Variants in HECW1 observed in about 807,000 individuals in gnomAD.
HECW1 encodes the protein HECT, C2 and WW domain containing E3 ubiquitin protein ligase 1.
A neutral mutation model predicts 182.3 loss-of-function variants in HECW1; 61 were observed. The observed-to-expected ratio is 0.33, with a 90% CI of 0.27 to 0.41. HECW1 has a LOEUF of 0.41. Ranked by LOEUF, HECW1 falls within the 10% of genes least tolerant of loss-of-function variation. The pLI is 1.00. For synonymous variants in HECW1, 859 were observed against 832.6 expected, an observed-to-expected ratio of 1.03 and a Z score of -0.55; for missense variants, 1,739 against 2,108.9, an observed-to-expected ratio of 0.82 and a Z score of 3.44.
intron 2 of HECW1, among the ~76,000 whole-genome samples, chr7:43,135,553 G>A (rs1330547068): frequency 6.6e-6 from 1 of 152,110 alleles, no homozygotes; most frequent in Non-Finnish European, 1.5e-5. Flanking sequence ...TCTTGACTAA[G>A]GAAATGCTCA....
intron 3 of HECW1, among the ~76,000 whole-genome samples, chr7:43,302,941 A>ACACACACTTGCGCGCG (rs1807030521): frequency 8.1e-6 from 1 of 123,328 alleles, no homozygotes; most frequent in South Asian, 2.8e-4. Flanking sequence ...ACACACGTGC[A>ACACACACTTGCGCGCG]CACACACATG....
At chr7:43,254,369 A>G (rs1220213826) in intron 3 of HECW1, among the ~76,000 whole-genome samples, 2 of 152,188 alleles carry the variant, frequency 1.3e-5, no homozygotes, top group Non-Finnish European at 2.9e-5. Context: ...CAGTAACTCT[A>G]TATTGTAGCA....
intron 2 of HECW1, among the ~76,000 whole-genome samples, chr7:43,229,583 T>G (rs1178244862): frequency 1.3e-5 from 2 of 151,972 alleles, no homozygotes; most frequent in African/African-American, 4.8e-5. Flanking sequence ...GTGACACAAG[T>G]TTGCCTGTAC....
chr7:43,444,906 G>T lies in HECW1; in HGVS notation c.1734G>T (p.Ala578=), dbSNP rs1562985199. 1 of 1,601,918 alleles carries T rather than the reference G, an allele frequency of 6.2e-7. No homozygotes were observed. The highest frequency in any genetic ancestry group is 1.7e-5 in the Admixed American group (1 of 59,374). The change falls in exon 11 of 30, where the codon GCG becomes GCT. Residue 578 remains alanine (A), a synonymous_variant. Coordinates refer to ENST00000395891, the MANE Select transcript of HECW1 (RefSeq NM_015052.5). This position sits in a 1 kb window ranked among gnomAD's most constrained non-coding sequence, Gnocchi z 4.3. The part of the protein sequence containing the change: ...HSMPSAQGGS[A]AEEEDGAEEE... ...TGCCCTCCGCCCAGGGCGGCAGCGC[G>T]GCAGAGGAGGAGGACGGCGCGGAGG...
intron 6 of HECW1, among the ~76,000 whole-genome samples, chr7:43,375,911 A>G (rs183272509): frequency 6.6e-6 from 1 of 150,440 alleles, no homozygotes; most frequent in Admixed American, 6.6e-5. Context: ...AAAAAAAGGA[A>G]AAAAAGCTCT....
At chr7:43,313,185 T>A (rs1212775059) in intron 4 of HECW1, among the ~76,000 whole-genome samples, 1 of 152,196 alleles carries the variant, frequency 6.6e-6, no homozygotes, top group Non-Finnish European at 1.5e-5. Context: ...TGGAGGTACA[T>A]AAATTGTTGA....
At chr7:43,382,956 AGT>A (rs2074616476) in intron 6 of HECW1, among the ~76,000 whole-genome samples, 1 of 151,914 alleles carries the variant, frequency 6.6e-6, no homozygotes, top group African/African-American at 2.4e-5. Flanking sequence ...AACAGGCCCC[AGT>A]GTGTGATGTT....
At position 43,221,028 on chromosome 7, in the gene HECW1, C is replaced by T. The variant is rs375601552; in HGVS notation, c.-31-22847C>T. Among the ~76,000 whole-genome samples the T allele has an allele frequency of 2.0e-3, 307 of 152,344 alleles. 2 individuals are homozygous for T. The highest frequency in any genetic ancestry group is 0.011 in the South Asian group (53 of 4,824). ...TTTGGGCTCAGCATTTAGTGCCTAC[C>T]TCTGCAAGACACTGTGGGCTTGATG... On this transcript the variant is annotated intron_variant, in intron 2 of 29. Transcript: ENST00000395891.
At chr7:43,507,040 A>G in intron 21 of HECW1, 97 bp from the exon 22 acceptor site, 1 of 1,443,792 alleles carries the variant, frequency 6.9e-7, no homozygotes, top group Non-Finnish European at 9.2e-7. Flanking sequence ...ACTGCACTCC[A>G]GCCTGGGCAA....
At chr7:43,152,036 A>T (rs1789387665) in intron 2 of HECW1, among the ~76,000 whole-genome samples, 1 of 152,242 alleles carries the variant, frequency 6.6e-6, no homozygotes, top group African/African-American at 2.4e-5. Context: ...GTCATCAAAC[A>T]GCTCATTTAC....
chr7:43,191,630 C>T (rs1338356231), intron 2 of HECW1, among the ~76,000 whole-genome samples: 1 of 152,170 alleles, frequency 6.6e-6, no homozygotes, highest in Non-Finnish European at 1.5e-5. Flanking sequence ...ATCAATTCTG[C>T]CCATGTCTTG....
intron 6 of HECW1, among the ~76,000 whole-genome samples, chr7:43,361,532 A>G (rs1185825720): frequency 6.6e-6 from 1 of 152,138 alleles, no homozygotes; most frequent in Non-Finnish European, 1.5e-5. Context: ...ATCTCAGGTC[A>G]CAGAACTCGT....
In HECW1 at chr7:43,469,046, G is replaced by A. The variant is rs769168702; in HGVS notation, c.3040G>A (p.Ala1014Thr). 9 of 1,614,050 alleles carry A rather than the reference G, an allele frequency of 5.6e-6. No individual in the cohort carries two copies. Among genetic ancestry groups the A allele is most frequent in the Admixed American group, 1.7e-5 (1 of 60,002 alleles). Reference protein sequence around the residue: ...RDLVNFINMFADTRLELPRGW... With the variant: ...RDLVNFINMFTDTRLELPRGW... ...CTTGGTGAATTTCATCAACATGTTC[G>A]CAGACACTCGGCTGGAACTGCCCCG... The change falls in exon 16 of 30, where the codon GCA becomes ACA. Residue 1014 changes from alanine to threonine, a missense_variant. Around this residue, in one of 5 missense-constraint regions of HECW1, gnomAD observed 971 missense variants for 1,029.1 expected, o/e 0.94. Transcript: ENST00000395891.
intron 19 of HECW1, among the ~76,000 whole-genome samples, chr7:43,497,649 G>A (rs1187535926): frequency 2.0e-5 from 3 of 152,172 alleles, no homozygotes; most frequent in Non-Finnish European, 4.4e-5. Flanking sequence ...GATGATGGTC[G>A]TGTGGATAAT....
At chr7:43,453,414 T>C (rs942651461) in intron 12 of HECW1, among the ~76,000 whole-genome samples, 13 of 152,200 alleles carry the variant, frequency 8.5e-5, no homozygotes, top group African/African-American at 3.1e-4. Flanking sequence ...GGAGTTGTCT[T>C]CAACTGAGTT....
In HECW1 at chr7:43,219,345, C is replaced by G. The variant is rs549836746; in HGVS notation, c.-31-24530C>G. On this transcript the variant is annotated intron_variant, in intron 2 of 29. Transcript: ENST00000395891. Reference sequence around the variant, plus strand: ...TCTGGAGCCGCTTCAAAAACGAAAACTTTCCAAGGACCCCTTTTCCTCTCT... The same window carrying G: ...TCTGGAGCCGCTTCAAAAACGAAAAGTTTCCAAGGACCCCTTTTCCTCTCT... Among the ~76,000 whole-genome samples the G allele has an allele frequency of 3.3e-5, 5 of 152,236 alleles. No individual in the cohort carries two copies. In the South Asian group the frequency reaches 1.0e-3, roughly 32 times the overall value.
At chr7:43,252,958 T>C (rs1800193261) in intron 3 of HECW1, among the ~76,000 whole-genome samples, 2 of 152,166 alleles carry the variant, frequency 1.3e-5, no homozygotes, top group African/African-American at 2.4e-5. Flanking sequence ...TGGCCAACCT[T>C]GGTTAGAGTT....
At position 43,469,099 on chromosome 7, in the gene HECW1, G is replaced by A; in HGVS notation, c.3093G>A (p.Gln1031=). The A allele has an allele frequency of 1.2e-6, 2 of 1,613,816 alleles. No individual in the cohort carries two copies. The highest frequency in any genetic ancestry group is 1.7e-6 in the Non-Finnish European group (2 of 1,179,974). The change falls in exon 16 of 30, where the codon CAG becomes CAA. Residue 1031 remains glutamine, a synonymous_variant. Transcript: ENST00000395891. ...GCTGGGAGATCAAAACGGACCAGCA[G>A]GGAAAGGTGAGTGTGACCCACGTGC... is the stretch of plus-strand genomic sequence containing the variant. ...PRGWEIKTDQ[Q]GKSFFVDHNS...
rs758809791 is a variant in HECW1, at chr7:43,445,272, C to T, written c.2100C>T (p.Ala700=). The change falls in exon 11 of 30, where the codon GCC becomes GCT. Residue 700 remains alanine (A), a synonymous_variant. Coordinates refer to ENST00000395891, the MANE Select transcript of HECW1 (RefSeq NM_015052.5). ...TSCYSSSCYS[A]SCYSPSCYNG... Reference sequence around the variant, plus strand: ...GCTACAGCAGCTCGTGCTACAGCGCCTCGTGCTACAGCCCCTCCTGCTACA... The same window carrying T: ...GCTACAGCAGCTCGTGCTACAGCGCTTCGTGCTACAGCCCCTCCTGCTACA... The T allele has an allele frequency of 6.2e-7, 1 of 1,612,920 alleles. No individual in the cohort carries two copies. Among genetic ancestry groups the T allele is most frequent in the South Asian group, 1.1e-5 (1 of 91,074 alleles).
Sources: allele counts gnomAD v4.1 joint callset (sites outside exome capture counted in the v4.1 genomes callset), GRCh38; gene constraint gnomAD v4.1.1; regional missense constraint gnomAD v4.1.1; non-coding constraint Gnocchi (gnomAD v3.1); transcripts MANE v1.5; gene names NCBI Gene and HGNC (gene_info 2026-07-23, HGNC 2026-07-21).